Variants in PROS1 observed in about 807,000 individuals in gnomAD.
PROS1 encodes the protein vitamin K-dependent protein S.
A neutral mutation model predicts 75.9 loss-of-function variants in PROS1; 29 were observed. That is an observed-to-expected ratio of 0.38 (90% confidence interval 0.28 to 0.52). The LOEUF (loss-of-function observed/expected upper bound fraction) is 0.52. PROS1 is among the 20% of genes least tolerant of loss of function. PROS1 has a pLI of 0.83. For synonymous variants in PROS1, 245 were observed against 280.6 expected (o/e 0.87, Z 1.27); for missense variants, 680 against 810.3 (o/e 0.84, Z 1.95).
intron 1 of PROS1, among the ~76,000 whole-genome samples, chr3:93,961,399 A>T (rs752668128): frequency 6.6e-6 from 1 of 152,232 alleles, no homozygotes; most frequent in Non-Finnish European, 1.5e-5. Context: ...TTGCCATGTT[A>T]TGGTGAGGGC....
chr3:93,916,424 T>C (rs1430137418), intron 3 of PROS1, among the ~76,000 whole-genome samples: 1 of 152,176 alleles, frequency 6.6e-6, no homozygotes, highest in Admixed American at 6.5e-5. Context: ...CAGACTACAT[T>C]AGCTTAAACA....
chr3:93,886,580 T>C (rs1024272242), intron 10 of PROS1, 77 bp from the exon 11 acceptor site: 6 of 1,108,540 alleles, frequency 5.4e-6, no homozygotes, highest in East Asian at 4.7e-5. Flanking sequence ...CTAAAACTTA[T>C]GTTATTATTC....
intron 1 of PROS1, among the ~76,000 whole-genome samples, chr3:93,946,838 GAA>G (rs769904782): frequency 1.6e-3 from 102 of 64,028 alleles, no homozygotes; most frequent in African/African-American, 4.8e-3. Context: ...CTTCTGCACA[GAA>G]AAAAAAAAAA....
At chr3:93,908,570 C>T (rs1261095820) in intron 4 of PROS1, among the ~76,000 whole-genome samples, 1 of 152,106 alleles carries the variant, frequency 6.6e-6, no homozygotes, top group Non-Finnish European at 1.5e-5. Flanking sequence ...GCAAAAAGAT[C>T]CCGTAGGGTC....
At chr3:93,960,996 A>C (rs1280218811) in intron 1 of PROS1, among the ~76,000 whole-genome samples, 2 of 152,158 alleles carry the variant, frequency 1.3e-5, no homozygotes, top group African/African-American at 4.8e-5. Context: ...AGAAAAAAAA[A>C]ACACTTTTCT....
At chr3:93,910,754 G>T in intron 3 of PROS1, 49 bp from the exon 4 acceptor site, 2 of 1,447,762 alleles carry the variant, frequency 1.4e-6, no homozygotes, top group Non-Finnish European at 1.9e-6. Context: ...ACACATACTT[G>T]ATCTGAATTC....
At chr3:93,963,948 CG>C (rs1709747205) in intron 1 of PROS1, among the ~76,000 whole-genome samples, 1 of 152,100 alleles carries the variant, frequency 6.6e-6, no homozygotes, top group Admixed American at 6.6e-5. Context: ...ATGGAGGGAC[CG>C]GCTGGAGCCA....
intron 5 of PROS1, 22 bp downstream of exon 5, chr3:93,905,999 G>T: frequency 6.2e-7 from 1 of 1,613,842 alleles, no homozygotes; most frequent in Non-Finnish European, 8.5e-7. Context: ...ATGAGCTGGG[G>T]GGCGGGGGTT....
At chr3:93,874,780 T>C (rs962655283) in intron 14 of PROS1, among the ~76,000 whole-genome samples, 14 of 152,282 alleles carry the variant, frequency 9.2e-5, no homozygotes, top group Middle Eastern at 3.4e-3. Context: ...TTTTCTTAAC[T>C]CCAAATTATA....
chr3:93,911,602 G>A lies in PROS1; in HGVS notation c.260-897C>T, dbSNP rs531833726. Among the ~76,000 whole-genome samples the A allele has an allele frequency of 1.2e-4, 18 of 152,284 alleles. 1 individual carries two copies. The East Asian group carries it at 1.9e-3, about 16-fold the overall frequency. ...CCAATGGAGTCAACCAGGATGGCTG[G>A]GGCAGGGGACTGCTTCCAAGATGGA... On this transcript the variant is annotated intron_variant, in intron 3 of 14. Coordinates refer to ENST00000394236, the MANE Select transcript of PROS1 (RefSeq NM_000313.4).
Position 93,898,501 on chromosome 3 carries a change from A to G in PROS1, c.796T>C (p.Tyr266His). Residue 266 changes from tyrosine to histidine, a missense_variant, in exon 8 of 15, where the codon TAT becomes CAT. By Grantham distance (83) the Tyr-to-His change is moderately conservative (BLOSUM62 2). Coordinates refer to ENST00000394236, the MANE Select transcript of PROS1 (RefSeq NM_000313.4). ...TTGAATCCTTTCTTCCCATCACAAT[A>G]GCAAGTGTAACCTCCAGGGTAATTG... is the stretch of plus-strand genomic sequence containing the variant. ...CVNYPGGYTC[Y>H]CDGKKGFKLA... The G allele has an allele frequency of 6.2e-7, 1 of 1,612,848 alleles. No individual in the cohort carries two copies. The highest frequency in any genetic ancestry group is 1.3e-5 in the African/African-American group (1 of 74,998).
intron 3 of PROS1, among the ~76,000 whole-genome samples, chr3:93,915,949 A>G (rs1275138242): frequency 6.6e-6 from 1 of 152,142 alleles, no homozygotes; most frequent in East Asian, 1.9e-4. Flanking sequence ...GTCTGGCACC[A>G]ATGTTTCGTC....
chr3:93,905,893 G>A lies in PROS1; in HGVS notation c.492C>T (p.Pro164=). The A allele has an allele frequency of 3.7e-6, 6 of 1,612,972 alleles. No homozygotes were observed. Among genetic ancestry groups the A allele is most frequent in the Non-Finnish European group, 5.1e-6 (6 of 1,179,188 alleles). ...GACTGCAACCTCCATTTATATTTGAGGGATCTTTGCATTCATTTATGTCTA... is the reference window on the plus strand; with the variant it reads ...GACTGCAACCTCCATTTATATTTGAAGGATCTTTGCATTCATTTATGTCTA... ...CEFDINECKD[P]SNINGGCSQI... Residue 164 remains proline, a synonymous_variant, in exon 6 of 15, where the codon CCC becomes CCT. Coordinates refer to ENST00000394236, the MANE Select transcript of PROS1 (RefSeq NM_000313.4).
chr3:93,967,891 C>A (rs935714593), intron 1 of PROS1: 3 of 151,816 alleles, frequency 2.0e-5, no homozygotes, highest in Admixed American at 6.6e-5. Flanking sequence ...GGCCCTGTCT[C>A]AAAAAATAAA....
intron 1 of PROS1, among the ~76,000 whole-genome samples, chr3:93,942,522 C>A (rs1426720523): frequency 6.6e-6 from 1 of 152,162 alleles, no homozygotes; most frequent in Non-Finnish European, 1.5e-5. Context: ...GCTAAAGAAG[C>A]AGCTAGTGTT....
rs1708454604 is a variant in PROS1, at chr3:93,892,986, T to C, written c.1102A>G (p.Thr368Ala). 6.2e-7 allele frequency: 1 copy of C among 1,613,228 alleles called. No homozygotes were observed. Among genetic ancestry groups the C allele is most frequent in the South Asian group, 1.1e-5 (1 of 91,040 alleles). ...KIEVQLKNEHTSKITTGGDVI... is the reference protein window; with the variant it reads ...KIEVQLKNEHASKITTGGDVI... ...TCACCTCCAGTTGTGATTTTGGATG[T>C]ATGTTCATTCTTAAGCTGAACTTCA... The change falls in exon 10 of 15, where the codon ACA becomes GCA. Residue 368 changes from threonine to alanine, a missense_variant. Coordinates refer to ENST00000394236, the MANE Select transcript of PROS1 (RefSeq NM_000313.4).
rs1394772124 is a variant in PROS1, at chr3:93,927,873, A to ATATATATG, written c.77-467_77-466insCATATATA. ...AACATATATATATATATATATATAT[A>ATATATATG]TGTGTGTATGTGTATATATATATAT... On this transcript the variant is annotated intron_variant, in intron 1 of 14. Transcript: ENST00000394236. Among the ~76,000 whole-genome samples the ATATATATG allele has an allele frequency of 7.0e-4, 87 of 124,146 alleles. 2 individuals carry two copies. Among genetic ancestry groups the ATATATATG allele is most frequent in the Admixed American group, 6.2e-3 (73 of 11,766 alleles). The allele number at this position is 124,146 out of a possible 152,430, so 81.4% of individuals were successfully genotyped here. A position where few individuals can be genotyped will look rare whatever the true frequency, so the allele number is the denominator to read the frequency against.
chr3:93,951,691 C>T (rs1358379204), intron 1 of PROS1, among the ~76,000 whole-genome samples: 1 of 152,096 alleles, frequency 6.6e-6, no homozygotes, highest in Non-Finnish European at 1.5e-5. Flanking sequence ...CATCAGCTAA[C>T]GAGCAAAATA....
At chr3:93,934,115 G>A (rs186663106) in intron 1 of PROS1, among the ~76,000 whole-genome samples, 100 of 151,412 alleles carry the variant, frequency 6.6e-4, no homozygotes, top group African/African-American at 2.2e-3. Flanking sequence ...AGGAGGCGGA[G>A]GCTGGAGTGA....
Sources: allele counts gnomAD v4.1 joint callset (sites outside exome capture counted in the v4.1 genomes callset), GRCh38; gene constraint gnomAD v4.1.1; transcripts MANE v1.5; gene names NCBI Gene and HGNC (gene_info 2026-07-23, HGNC 2026-07-21).